The following SLMAP variants were observed in gnomAD, a reference collection of about 807,000 sequenced individuals.
The protein encoded by SLMAP is sarcolemma associated protein.
In SLMAP, 44 loss-of-function variants were observed where a neutral mutation model predicts 128.8. That is an observed-to-expected ratio of 0.34 (90% CI 0.27 to 0.44). The LOEUF is 0.44. SLMAP is among the 20% of genes least tolerant of loss of function. The pLI is 1.00. For missense variants in SLMAP, 787 were observed against 985.3 expected, an observed-to-expected ratio of 0.80 and a Z score of 2.69; for synonymous variants, 327 against 348.8, an observed-to-expected ratio of 0.94 and a Z score of 0.70.
At chr3:57,778,752 T>C (rs756045937) in intron 2 of SLMAP, among the ~76,000 whole-genome samples, 3 of 151,838 alleles carry the variant, frequency 2.0e-5, no homozygotes, top group Non-Finnish European at 4.4e-5. Flanking sequence ...ATTTTAAAAT[T>C]TGTGGTAGAG....
intron 2 of SLMAP, among the ~76,000 whole-genome samples, chr3:57,797,274 C>T (rs1031906581): frequency 4.0e-5 from 6 of 150,826 alleles, no homozygotes; most frequent in South Asian, 2.1e-4. Context: ...CACCTGAGGT[C>T]GGGAGTTTGA....
chr3:57,832,097 T>C (rs933017272), intron 3 of SLMAP, among the ~76,000 whole-genome samples: 4 of 152,220 alleles, frequency 2.6e-5, no homozygotes, highest in African/African-American at 9.7e-5. Flanking sequence ...AACAATCTTT[T>C]GCAGAATCCT....
At chr3:57,856,366 C>T (rs1456192369) in intron 6 of SLMAP, among the ~76,000 whole-genome samples, 11 of 152,170 alleles carry the variant, frequency 7.2e-5, no homozygotes, top group Admixed American at 5.9e-4. Flanking sequence ...ACACGTAGTA[C>T]AACTGTTCAA....
chr3:57,885,331 A>G (rs1305966059), intron 14 of SLMAP, among the ~76,000 whole-genome samples: 1 of 150,778 alleles, frequency 6.6e-6, no homozygotes, highest in Non-Finnish European at 1.5e-5. Flanking sequence ...TGGCCTCCCA[A>G]AGTGCTGAGA....
chr3:57,908,732 G>C (rs2096624186), intron 18 of SLMAP, among the ~76,000 whole-genome samples: 1 of 152,146 alleles, frequency 6.6e-6, no homozygotes, highest in African/African-American at 2.4e-5. Flanking sequence ...CTATGTGCTT[G>C]ACAGTAAATA....
chr3:57,906,756 A>C (rs911980702), intron 17 of SLMAP, among the ~76,000 whole-genome samples: 8 of 149,976 alleles, frequency 5.3e-5, no homozygotes, highest in African/African-American at 1.7e-4. Flanking sequence ...CTCTTTTTTG[A>C]TGAATTGAAG....
chr3:57,885,566 CCCA>C (rs2095859817), intron 14 of SLMAP, among the ~76,000 whole-genome samples: 1 of 147,566 alleles, frequency 6.8e-6, no homozygotes, highest in Non-Finnish European at 1.5e-5. Flanking sequence ...ATTACAGGCA[CCCA>C]CCACCACGAC....
Position 57,917,053 on chromosome 3 carries a change from C to G in SLMAP, c.2286C>G (p.Asn762Lys). 6.2e-7 allele frequency: 1 copy of G among 1,613,806 alleles called. No homozygotes were observed. Residue 762 changes from asparagine (N) to lysine (K), a missense_variant, in exon 22 of 25, where the codon AAC (asparagine) becomes AAG (lysine). By Grantham distance (94) the Asn-to-Lys change is moderately conservative (BLOSUM62 0). Transcript: ENST00000671191. ...DLKTLLSKAE[N>K]QAKDVQKEYE... ...AAACTCTTCTCAGTAAGGCAGAAAA[C>G]CAAGCAAAGGATGTGCAGAAAGAGG...
chr3:57,869,660 A>ATATATC (rs1553900183), intron 13 of SLMAP, among the ~76,000 whole-genome samples: 1 of 81,392 alleles, frequency 1.2e-5, no homozygotes, highest in African/African-American at 4.7e-5. Flanking sequence ...ATATATATAT[A>ATATATC]ATATATATAA....
intron 19 of SLMAP, among the ~76,000 whole-genome samples, chr3:57,911,512 G>A (rs779874980): frequency 6.6e-5 from 10 of 151,988 alleles, no homozygotes; most frequent in Non-Finnish European, 1.3e-4. Context: ...CACAAAACCA[G>A]GTATTTTTAA....
Position 57,843,305 on chromosome 3 carries a change from C to CTTTTTTTTTTTTTTT in SLMAP, c.419+1944_419+1958dup. Among the ~76,000 whole-genome samples, 17 of 92,112 alleles carry CTTTTTTTTTTTTTTT rather than the reference C, an allele frequency of 1.8e-4. 2 individuals carry two copies. The highest frequency in any genetic ancestry group is 3.0e-4 in the East Asian group (1 of 3,380). The allele number at this position is 92,112 out of a possible 152,430, so 60.4% of individuals were successfully genotyped here. ...TTTTCTTTTTTCTTTCTTTCTTTTC[C>CTTTTTTTTTTTTTTT]TTTTTTTTTTTTTTTTTTTTTTTTC... On this transcript the variant is annotated intron_variant, in intron 4 of 24. Transcript: ENST00000671191.
At chr3:57,767,339 A>C (rs1167083042) in intron 2 of SLMAP, among the ~76,000 whole-genome samples, 1 of 152,232 alleles carries the variant, frequency 6.6e-6, no homozygotes, top group African/African-American at 2.4e-5. Flanking sequence ...TGTTTGAATG[A>C]GGGAAATGTG....
chr3:57,798,300 G>C (rs2087274205), intron 2 of SLMAP, among the ~76,000 whole-genome samples: 2 of 152,090 alleles, frequency 1.3e-5, no homozygotes, highest in African/African-American at 4.8e-5. Flanking sequence ...GACTTGCTTT[G>C]TTTACTTGTC....
At chr3:57,867,039 G>T (rs2095323828) in intron 13 of SLMAP, among the ~76,000 whole-genome samples, 1 of 151,982 alleles carries the variant, frequency 6.6e-6, no homozygotes, top group Non-Finnish European at 1.5e-5. Flanking sequence ...TTAGCTGGGC[G>T]TGGTGGCACG....
chr3:57,806,207 C>T lies in SLMAP; in HGVS notation c.199-25176C>T, dbSNP rs547058393. Among the ~76,000 whole-genome samples the T allele has an allele frequency of 3.2e-4, 48 of 152,142 alleles. 1 individual carries two copies. The highest frequency in any genetic ancestry group is 2.6e-3 in the Admixed American group (40 of 15,290). On this transcript the variant is annotated intron_variant, in intron 2 of 24. Coordinates refer to ENST00000671191, the MANE Select transcript of SLMAP (RefSeq NM_001377540.1). ...TTTGTCCTAATGCTCTCCCTCCCTT[C>T]GCCCCCTGCCCCCCAACTGGCCCTG...
At chr3:57,837,367 T>A (rs1426943420) in intron 3 of SLMAP, among the ~76,000 whole-genome samples, 1 of 152,162 alleles carries the variant, frequency 6.6e-6, no homozygotes, top group Non-Finnish European at 1.5e-5. Context: ...ATCTTTTGTT[T>A]GTTTGTTTGT....
intron 2 of SLMAP, among the ~76,000 whole-genome samples, chr3:57,827,344 A>G (rs1181384250): frequency 6.6e-6 from 1 of 152,226 alleles, no homozygotes; most frequent in African/African-American, 2.4e-5. Context: ...TATTTATGGA[A>G]TGAATTCATC....
At chr3:57,768,913 T>C (rs536787554) in intron 2 of SLMAP, among the ~76,000 whole-genome samples, 2 of 152,278 alleles carry the variant, frequency 1.3e-5, no homozygotes, top group South Asian at 4.1e-4. Flanking sequence ...CCTAGTCTAA[T>C]GATATGCCCC....
intron 17 of SLMAP, chr3:57,899,210 A>G (rs1273654615): frequency 1.3e-5 from 2 of 152,232 alleles, no homozygotes; most frequent in Non-Finnish European, 2.9e-5. Context: ...TTTTTAATCC[A>G]TGAGTAGCAC....
Sources: gnomAD v4.1 joint callset for allele counts (sites outside exome capture counted in the v4.1 genomes callset) on GRCh38, gnomAD v4.1.1 for gene constraint, MANE v1.5 for transcripts, NCBI Gene and HGNC (gene_info 2026-07-23, HGNC 2026-07-21) for gene names.